PLEK2: variants seen among roughly 807,000 people sequenced by gnomAD.
PLEK2 encodes pleckstrin 2, also known as pleckstrin-2.
PLEK2 carries 29 observed loss-of-function variants against 43.8 expected under a neutral mutation model. The ratio of observed to expected loss-of-function variants is 0.66; its 90% confidence interval spans 0.49 to 0.90. The LOEUF (loss-of-function observed/expected upper bound fraction) is 0.90. PLEK2 is among the 40% of genes least tolerant of loss of function. PLEK2 has a pLI of 0.00. For missense variants in PLEK2, 398 were observed against 448.1 expected, an observed-to-expected ratio of 0.89 and a Z score of 1.01; for synonymous variants, 162 against 173.2, an observed-to-expected ratio of 0.94 and a Z score of 0.51.
chr14:67,405,334 A>G (rs111613417), intron 1 of PLEK2, among the ~76,000 whole-genome samples: 1 of 152,280 alleles, frequency 6.6e-6, no homozygotes, highest in African/African-American at 2.4e-5. Flanking sequence ...TCATGAAAAA[A>G]TGAATTTAAA....
chr14:67,387,579 A>C (rs1265415361), intron 8 of PLEK2, 123 bp from the exon 9 acceptor site: 1 of 1,032,584 alleles, frequency 9.7e-7, no homozygotes, highest in Non-Finnish European at 1.4e-6. Flanking sequence ...TATTAAATAA[A>C]AGGTTTACAG....
chr14:67,395,053 G>C (rs952423460), intron 3 of PLEK2, among the ~76,000 whole-genome samples: 5 of 152,088 alleles, frequency 3.3e-5, no homozygotes, highest in African/African-American at 1.2e-4. Context: ...CCCAATTTCA[G>C]GTATTCTGTT....
intron 1 of PLEK2, among the ~76,000 whole-genome samples, chr14:67,404,151 C>A (rs2086064710): frequency 6.6e-6 from 1 of 152,106 alleles, no homozygotes; most frequent in South Asian, 2.1e-4. Context: ...GAAAAATAAT[C>A]TAAATATATA....
rs140572250 is a variant in PLEK2, at chr14:67,392,679, T to C, written c.652A>G (p.Thr218Ala). 1.9e-6 allele frequency: 3 copies of C among 1,613,912 alleles called. No homozygotes were observed. Among genetic ancestry groups the C allele is most frequent in the Non-Finnish European group, 2.5e-6 (3 of 1,179,888 alleles). ...DLAEQFLDDS[T>A]ALYTFAESYK... ...CAACTTACAAAAGTGTACAGGGCTG[T>C]GGAGTCATCCAGGAACTGCTCGGCC... Residue 218 changes from threonine to alanine, a missense_variant, in exon 5 of 9, where the codon ACA becomes GCA. Transcript: ENST00000216446.
At chr14:67,411,934 G>A (rs1273537892) in intron 1 of PLEK2, 84 bp downstream of exon 1, 2 of 1,277,598 alleles carry the variant, frequency 1.6e-6, no homozygotes, top group African/African-American at 1.5e-5. Flanking sequence ...TGCCCGTTCC[G>A]GGGCGCGCGT....
chr14:67,401,741 T>G (rs1340558777), intron 1 of PLEK2, among the ~76,000 whole-genome samples: 1 of 152,210 alleles, frequency 6.6e-6, no homozygotes, highest in Non-Finnish European at 1.5e-5. Context: ...TATTTAGTTA[T>G]AGCAGCCCTC....
chr14:67,391,268 GATATGTGTGT>G (rs1363592473), intron 6 of PLEK2, among the ~76,000 whole-genome samples: 48 of 141,486 alleles, frequency 3.4e-4, no homozygotes, highest in African/African-American at 1.3e-3. Context: ...GTAAGCAGCT[GATATGTGTGT>G]GTGTGTGTGT....
At chr14:67,394,963 G>C (rs2085995986) in intron 3 of PLEK2, among the ~76,000 whole-genome samples, 1 of 152,110 alleles carries the variant, frequency 6.6e-6, no homozygotes. Context: ...CAGCAAGAAG[G>C]CCCTCACCAG....
intron 7 of PLEK2, among the ~76,000 whole-genome samples, chr14:67,389,167 A>C: frequency 6.6e-6 from 1 of 151,962 alleles, no homozygotes; most frequent in Non-Finnish European, 1.5e-5. Context: ...TCAATAATCA[A>C]CTTCATACTG....
At chr14:67,394,228 TA>T (rs755297039) in intron 3 of PLEK2, among the ~76,000 whole-genome samples, 11 of 152,168 alleles carry the variant, frequency 7.2e-5, no homozygotes, top group Non-Finnish European at 1.5e-4. Context: ...GTGTGACTTT[TA>T]ACTTACAAAC....
At chr14:67,388,676 T>C (rs1344372638) in intron 7 of PLEK2, among the ~76,000 whole-genome samples, 1 of 152,184 alleles carries the variant, frequency 6.6e-6, no homozygotes, top group Non-Finnish European at 1.5e-5. Flanking sequence ...TATATATTTA[T>C]AGTAATCATT....
At chr14:67,403,232 G>T (rs2086060094) in intron 1 of PLEK2, among the ~76,000 whole-genome samples, 1 of 152,162 alleles carries the variant, frequency 6.6e-6, no homozygotes, top group Non-Finnish European at 1.5e-5. Flanking sequence ...TTCGAGAAAT[G>T]TCTATTCAAA....
chr14:67,400,863 A>G (rs981760070), intron 1 of PLEK2, among the ~76,000 whole-genome samples: 1 of 152,054 alleles, frequency 6.6e-6, no homozygotes, highest in African/African-American at 2.4e-5. Context: ...GGTGGCACAC[A>G]TCTGCAGTCC....
In PLEK2 at chr14:67,393,212, T is replaced by G. The variant is rs2085981870; in HGVS notation, c.419A>C (p.Asn140Thr). The G allele has an allele frequency of 1.2e-6, 2 of 1,613,964 alleles. No individual in the cohort carries two copies. Among genetic ancestry groups the G allele is most frequent in the East Asian group, 4.5e-5 (2 of 44,860 alleles). ...GTTGGGGCTTGAACGGATTCCGGTG[T>G]TGCTATCGTGCATCTTGTCCACAAT... ...HRIVDKMHDS[N>T]TGIRSSPNME... Residue 140 changes from asparagine to threonine, a missense_variant, in exon 4 of 9, where the codon AAC becomes ACC. By Grantham distance (65) the Asn-to-Thr change is moderately conservative. Coordinates refer to ENST00000216446, the MANE Select transcript of PLEK2 (RefSeq NM_016445.3).
chr14:67,387,546 A>T, intron 8 of PLEK2, 90 bp from the exon 9 acceptor site: 1 of 1,216,716 alleles, frequency 8.2e-7, no homozygotes, highest in Non-Finnish European at 1.2e-6. Flanking sequence ...TGAGACATGG[A>T]CAAAAACATA....
At chr14:67,411,975 G>C (rs1431438383) in intron 1 of PLEK2, 43 bp downstream of exon 1, 2 of 1,506,274 alleles carry the variant, frequency 1.3e-6, no homozygotes, top group Non-Finnish European at 1.8e-6. Context: ...CGCGTCGGCG[G>C]GGCCCCACCC....
At chr14:67,396,008 G>A (rs112597174) in intron 2 of PLEK2, among the ~76,000 whole-genome samples, 3 of 152,234 alleles carry the variant, frequency 2.0e-5, no homozygotes, top group African/African-American at 7.2e-5. Context: ...GGATATTAAT[G>A]CCTACCTCAA....
At chr14:67,410,391 T>G (rs569760592) in intron 1 of PLEK2, among the ~76,000 whole-genome samples, 1 of 151,962 alleles carries the variant, frequency 6.6e-6, no homozygotes, top group Non-Finnish European at 1.5e-5. Flanking sequence ...GCTCTCACTC[T>G]CCCTCCCACC....
intron 1 of PLEK2, 108 bp downstream of exon 1, chr14:67,411,910 T>C: frequency 9.7e-7 from 1 of 1,032,628 alleles, no homozygotes; most frequent in Middle Eastern, 2.1e-4. Flanking sequence ...GGGTTGGGGA[T>C]GGGAACCAGA....
Sources: allele counts gnomAD v4.1 joint callset (sites outside exome capture counted in the v4.1 genomes callset), GRCh38; gene constraint gnomAD v4.1.1; transcripts MANE v1.5; gene names NCBI Gene and HGNC (gene_info 2026-07-23, HGNC 2026-07-21).